Variants in BCL11B observed in about 807,000 individuals in gnomAD.
The protein encoded by BCL11B is BCL11 transcription factor B.
BCL11B carries 8 observed loss-of-function variants against 49.9 expected under a neutral mutation model. That is an observed-to-expected ratio of 0.16 (90% CI 0.09 to 0.29). The LOEUF (loss-of-function observed/expected upper bound fraction) is 0.29, where lower values mean the gene tolerates loss of function less well. Among genes scored for constraint, BCL11B ranks in the 10% least tolerant of loss-of-function variants. The pLI, the probability that BCL11B is intolerant of heterozygous loss-of-function variation, is 1.00. For missense variants in BCL11B, 1,006 were observed against 1,351.0 expected (o/e 0.74, Z 4.00); for synonymous variants, 739 against 637.4 (o/e 1.16, Z -2.40).
At position 99,174,672 on chromosome 14, in the gene BCL11B, T is replaced by C. The variant is rs779752788; in HGVS notation, c.2164A>G (p.Met722Val). Residue 722 changes from methionine (M) to valine (V), a missense_variant, in exon 4 of 4, where the codon ATG (methionine) becomes GTG (valine). Physicochemically the swap from Met to Val is conservative, Grantham distance 21. Coordinates refer to ENST00000357195, the MANE Select transcript of BCL11B (RefSeq NM_138576.4). ...GTGAAGCCCAGGAAGGGGTCCTTCA[T>C]GAAGTGCCGCGACGCCGCGTAGCCC... is the stretch of plus-strand genomic sequence containing the variant. Reference protein sequence around the residue: ...LVGYAASRHFMKDPFLGFTDA... With the variant: ...LVGYAASRHFVKDPFLGFTDA... 5 of 1,579,032 alleles carry C rather than the reference T, an allele frequency of 3.2e-6. No individual in the cohort carries two copies. Among genetic ancestry groups the C allele is most frequent in the Non-Finnish European group, 4.3e-6 (5 of 1,165,570 alleles).
At chr14:99,253,309 G>C (rs1167714844) in intron 2 of BCL11B, among the ~76,000 whole-genome samples, 3 of 152,184 alleles carry the variant, frequency 2.0e-5, no homozygotes, top group African/African-American at 7.2e-5. Flanking sequence ...GAATGGACGG[G>C]AGAGAGTCTA....
chr14:99,185,136 C>G (rs992606066), intron 3 of BCL11B, among the ~76,000 whole-genome samples: 1 of 152,040 alleles, frequency 6.6e-6, no homozygotes, highest in African/African-American at 2.4e-5. Flanking sequence ...AGGAGGCAGG[C>G]AGCAAAACTA....
At chr14:99,254,305 T>C (rs979586297) in intron 2 of BCL11B, among the ~76,000 whole-genome samples, 2 of 152,206 alleles carry the variant, frequency 1.3e-5, no homozygotes, top group Non-Finnish European at 2.9e-5. Context: ...AGAATGACTA[T>C]CCCGAGGAAA....
rs1888361798 is a variant in BCL11B, at chr14:99,232,251, G to T, written c.428-694C>A. Among the ~76,000 whole-genome samples the T allele has an allele frequency of 6.6e-6, 1 of 152,078 alleles. No individual in the cohort carries two copies. The highest frequency in any genetic ancestry group is 2.4e-5 in the African/African-American group (1 of 41,442). On this transcript the variant is annotated intron_variant, in intron 2 of 3. Coordinates refer to ENST00000357195, the MANE Select transcript of BCL11B (RefSeq NM_138576.4). This position sits in a 1 kb window ranked among gnomAD's most constrained non-coding sequence, Gnocchi z 5.1. ...CCCTCCTAACGTCTCGGCCTGGCTT[G>T]GGAGGCCTCCCGCCATGTGACAGCA... is the stretch of plus-strand genomic sequence containing the variant.
intron 3 of BCL11B, among the ~76,000 whole-genome samples, chr14:99,186,493 C>T (rs1417501894): frequency 2.0e-5 from 3 of 152,190 alleles, no homozygotes; most frequent in Non-Finnish European, 4.4e-5. Context: ...GCACTCCAGC[C>T]TGGGTGATGG....
chr14:99,198,696 G>A (rs1887252072), intron 3 of BCL11B, among the ~76,000 whole-genome samples: 1 of 147,282 alleles, frequency 6.8e-6, no homozygotes, highest in African/African-American at 2.7e-5. Context: ...TGCACCTTCC[G>A]CACCTTCCGC....
chr14:99,175,390 G>T lies in BCL11B; in HGVS notation c.1446C>A (p.Gly482=), dbSNP rs370579015. 5.0e-6 allele frequency: 8 copies of T among 1,599,552 alleles called. No homozygotes were observed. Among genetic ancestry groups the T allele is most frequent in the Non-Finnish European group, 6.8e-6 (8 of 1,175,630 alleles). ...CGTCGTCGGAGCGGCCGGCCAGCGA[G>T]CCGGCCTTGTGCATGTGCGTCTTCA... is the stretch of plus-strand genomic sequence containing the variant. ...RHMKTHMHKA[G]SLAGRSDDGL... Residue 482 remains glycine, a synonymous_variant, in exon 4 of 4, where the codon GGC becomes GGA. Transcript: ENST00000357195.
rs1886280636 is a variant in BCL11B, at chr14:99,171,254, T to C, written c.*2897A>G. 4.4e-6 allele frequency: 1 copy of C among 226,908 alleles called. No homozygotes were observed. Among genetic ancestry groups the C allele is most frequent in the Non-Finnish European group, 8.8e-6 (1 of 113,848 alleles). 14.1% of individuals were successfully genotyped at this position (226,908 alleles called of 1,614,324 possible). A position where few individuals can be genotyped will look rare whatever the true frequency, so the allele number is the denominator to read the frequency against. On this transcript the variant is annotated 3_prime_UTR_variant, in exon 4 of 4. Transcript: ENST00000357195. ...AAAATATATACAACTAAATGATTTGTGAACCAAAGCATTTAACTACTTCCT... is the reference window on the plus strand; with the variant it reads ...AAAATATATACAACTAAATGATTTGCGAACCAAAGCATTTAACTACTTCCT...
intron 3 of BCL11B, among the ~76,000 whole-genome samples, chr14:99,180,516 C>T (rs921044104): frequency 1.3e-5 from 2 of 152,154 alleles, no homozygotes; most frequent in African/African-American, 2.4e-5. Flanking sequence ...CGTCCATACC[C>T]CTCTGCCTTG....
chr14:99,219,076 T>G (rs1290010293), intron 3 of BCL11B, among the ~76,000 whole-genome samples: 1 of 151,698 alleles, frequency 6.6e-6, no homozygotes, highest in Admixed American at 6.6e-5. Context: ...GGTCTCACTG[T>G]GTTGCCCAAG....
At chr14:99,237,695 C>G (rs1888544166) in intron 2 of BCL11B, among the ~76,000 whole-genome samples, 1 of 152,168 alleles carries the variant, frequency 6.6e-6, no homozygotes, top group Non-Finnish European at 1.5e-5. Context: ...TCAGGTCTCA[C>G]AAGGGTTTGC....
chr14:99,260,255 C>A (rs1566834276), intron 1 of BCL11B, among the ~76,000 whole-genome samples: 1 of 152,216 alleles, frequency 6.6e-6, no homozygotes, highest in African/African-American at 2.4e-5. Flanking sequence ...AAATACCACC[C>A]TGTCCAGGCC....
chr14:99,214,194 G>C (rs1197773132), intron 3 of BCL11B, among the ~76,000 whole-genome samples: 1 of 152,138 alleles, frequency 6.6e-6, no homozygotes, highest in Non-Finnish European at 1.5e-5. Context: ...CTGCCTCCCA[G>C]GGACACTCCA....
chr14:99,223,678 A>G (rs912496883), intron 3 of BCL11B, among the ~76,000 whole-genome samples: 2 of 152,222 alleles, frequency 1.3e-5, no homozygotes, highest in Non-Finnish European at 2.9e-5. Context: ...CATGGGCCCA[A>G]TGCACCACTG....
At position 99,175,387 on chromosome 14, in the gene BCL11B, C is replaced by T. The variant is rs764427299; in HGVS notation, c.1449G>A (p.Ser483=). 40 of 1,594,924 alleles carry T rather than the reference C, an allele frequency of 2.5e-5. No individual in the cohort carries two copies. In the Middle Eastern group the frequency reaches 1.3e-3, roughly 50 times the overall value. Residue 483 remains serine (S), a synonymous_variant, in exon 4 of 4, where the codon TCG becomes TCA. Coordinates refer to ENST00000357195, the MANE Select transcript of BCL11B (RefSeq NM_138576.4). ...GCCCGTCGTCGGAGCGGCCGGCCAG[C>T]GAGCCGGCCTTGTGCATGTGCGTCT... ...HMKTHMHKAG[S]LAGRSDDGLS...
At chr14:99,227,985 A>C (rs980168617) in intron 3 of BCL11B, among the ~76,000 whole-genome samples, 1 of 152,114 alleles carries the variant, frequency 6.6e-6, no homozygotes, top group Non-Finnish European at 1.5e-5. Context: ...GCCCCCTGGG[A>C]TGCTGCCAGC....
chr14:99,179,495 A>G (rs1391292181), intron 3 of BCL11B, among the ~76,000 whole-genome samples: 1 of 148,976 alleles, frequency 6.7e-6, no homozygotes, highest in Non-Finnish European at 1.5e-5. Context: ...AAAAAAAAAA[A>G]AAAAGCTTCT....
chr14:99,251,805 C>T (rs1490417159), intron 2 of BCL11B, among the ~76,000 whole-genome samples: 2 of 152,088 alleles, frequency 1.3e-5, no homozygotes, highest in Admixed American at 6.5e-5. Context: ...AGGTGGTGCC[C>T]GCCATCAAGG....
intron 3 of BCL11B, among the ~76,000 whole-genome samples, chr14:99,208,489 C>A (rs184310505): frequency 6.6e-6 from 1 of 152,166 alleles, no homozygotes; most frequent in African/African-American, 2.4e-5. Flanking sequence ...CTAGCTTTCC[C>A]GAGGTCTCCT....
Sources: allele counts gnomAD v4.1 joint callset (sites outside exome capture counted in the v4.1 genomes callset), GRCh38; gene constraint gnomAD v4.1.1; non-coding constraint Gnocchi (gnomAD v3.1); transcripts MANE v1.5; gene names NCBI Gene and HGNC (gene_info 2026-07-23, HGNC 2026-07-21).